The following WDR59 variants were observed in gnomAD, a reference collection of about 807,000 sequenced individuals.
WDR59 encodes the protein WD repeat domain 59, also known as GATOR2 complex protein WDR59.
A neutral mutation model predicts 131.2 loss-of-function variants in WDR59; 100 were observed. That is an observed-to-expected ratio of 0.76 (90% CI 0.65 to 0.90). WDR59 has a LOEUF of 0.90. Among genes scored for constraint, WDR59 ranks in the 40% least tolerant of loss-of-function variants. WDR59 has a pLI of 0.00. For missense variants in WDR59, 1,203 were observed against 1,262.2 expected (o/e 0.95, Z 0.71); for synonymous variants, 601 against 466.2 (o/e 1.29, Z -3.72).
intron 18 of WDR59, among the ~76,000 whole-genome samples, chr16:74,901,959 T>C (rs1965574968): frequency 6.6e-6 from 1 of 152,176 alleles, no homozygotes; most frequent in South Asian, 2.1e-4. Context: ...GACTGACTTA[T>C]TCATTTTTAT....
chr16:74,975,576 A>G (rs1158259431), intron 1 of WDR59, among the ~76,000 whole-genome samples: 5 of 151,678 alleles, frequency 3.3e-5, no homozygotes, highest in Non-Finnish European at 5.9e-5. Context: ...AGGCAGGAGA[A>G]TTGCTTGAAC....
At chr16:74,901,274 C>G (rs1965537589) in intron 18 of WDR59, among the ~76,000 whole-genome samples, 1 of 151,432 alleles carries the variant, frequency 6.6e-6, no homozygotes, top group South Asian at 2.1e-4. Context: ...AGCCCCCAAA[C>G]CAAAAACCCA....
intron 8 of WDR59, among the ~76,000 whole-genome samples, chr16:74,934,424 C>T (rs994110146): frequency 1.3e-5 from 2 of 151,954 alleles, no homozygotes; most frequent in Non-Finnish European, 2.9e-5. Context: ...TGATAATATC[C>T]TCACTGTTCA....
In WDR59 at chr16:74,937,197, G is replaced by A. The variant is rs144753122; in HGVS notation, c.651+953C>T. Among the ~76,000 whole-genome samples the A allele has an allele frequency of 5.9e-3, 898 of 152,274 alleles. 10 individuals carry two copies. The highest frequency in any genetic ancestry group is 0.02 in the African/African-American group (839 of 41,562). On this transcript the variant is annotated intron_variant, in intron 8 of 25. Transcript: ENST00000262144. ...AACATCCCATGTCACAGAGAGGAAA[G>A]ACAAACAAACAACACTGTACCTTGT...
intron 19 of WDR59, among the ~76,000 whole-genome samples, chr16:74,893,410 C>T (rs1383495149): frequency 2.2e-4 from 33 of 152,090 alleles, no homozygotes; most frequent in Admixed American, 2.2e-3. Flanking sequence ...CACTGCCTGG[C>T]CAACACCATT....
intron 9 of WDR59, 51 bp downstream of exon 9, chr16:74,923,875 T>A (rs887171622): frequency 6.5e-7 from 1 of 1,528,648 alleles, no homozygotes; most frequent in East Asian, 2.3e-5. Flanking sequence ...TCCTTCTTTT[T>A]GGAACACCCA....
intron 8 of WDR59, among the ~76,000 whole-genome samples, chr16:74,932,359 G>C (rs377082014): frequency 6.6e-6 from 1 of 151,744 alleles, no homozygotes; most frequent in Non-Finnish European, 1.5e-5. Flanking sequence ...CAAAGTGCCA[G>C]GATTACAGGC....
At chr16:74,931,924 G>A (rs947695441) in intron 8 of WDR59, among the ~76,000 whole-genome samples, 4 of 151,716 alleles carry the variant, frequency 2.6e-5, no homozygotes, top group South Asian at 2.1e-4. Flanking sequence ...AGGTAAATAT[G>A]TTTAATATTT....
At chr16:74,981,847 G>A (rs1235377268) in intron 1 of WDR59, among the ~76,000 whole-genome samples, 4 of 140,026 alleles carry the variant, frequency 2.9e-5, no homozygotes, top group Admixed American at 7.0e-5. Flanking sequence ...GTAGAGATAG[G>A]GTTTCACCAT....
intron 1 of WDR59, among the ~76,000 whole-genome samples, chr16:74,966,342 T>C (rs756269606): frequency 1.3e-5 from 2 of 152,012 alleles, no homozygotes; most frequent in Non-Finnish European, 2.9e-5. Context: ...TAGCCCGGTG[T>C]TGTGGTGGAC....
intron 8 of WDR59, among the ~76,000 whole-genome samples, chr16:74,929,098 G>A (rs866064012): frequency 2.6e-5 from 4 of 152,032 alleles, no homozygotes; most frequent in Non-Finnish European, 4.4e-5. Flanking sequence ...TTCTTGAGAC[G>A]GAGTCTCACT....
In WDR59 at chr16:74,893,723, A is replaced by G. The variant is rs1413846996; in HGVS notation, c.1956T>C (p.Ile652=). The change falls in exon 19 of 26, where the codon ATT becomes ATC. Residue 652 remains isoleucine, a synonymous_variant. Coordinates refer to ENST00000262144, the MANE Select transcript of WDR59 (RefSeq NM_030581.4). Reference sequence around the variant, plus strand: ...ATTTGTGAACAGGCAGGAGGCAAGCAATATCCTGGATGATGACTTTCCCAG... The same window carrying G: ...ATTTGTGAACAGGCAGGAGGCAAGCGATATCCTGGATGATGACTTTCCCAG... ...KAAGKVIIQD[I]ACLLPVHKSL... is the part of the protein sequence containing the mutation. 6.2e-7 allele frequency: 1 copy of G among 1,614,058 alleles called. No homozygotes were observed.
chr16:74,923,044 T>A (rs376080098), intron 9 of WDR59, among the ~76,000 whole-genome samples: 1 of 152,214 alleles, frequency 6.6e-6, no homozygotes, highest in African/African-American at 2.4e-5. Flanking sequence ...CTACCCACTC[T>A]ATTTGTAGCA....
At chr16:74,898,576 A>C (rs1284274856) in intron 18 of WDR59, among the ~76,000 whole-genome samples, 1 of 152,144 alleles carries the variant, frequency 6.6e-6, no homozygotes, top group Non-Finnish European at 1.5e-5. Flanking sequence ...GGCAGGAGGG[A>C]GGCATTGGTG....
intron 14 of WDR59, among the ~76,000 whole-genome samples, chr16:74,910,440 G>A (rs762067625): frequency 6.6e-6 from 1 of 152,124 alleles, no homozygotes; most frequent in Non-Finnish European, 1.5e-5. Context: ...CTTAATCAAG[G>A]CAGCACACGT....
intron 2 of WDR59, chr16:74,959,280 G>A: frequency 3.6e-6 from 1 of 277,326 alleles, no homozygotes; most frequent in East Asian, 1.3e-4. Flanking sequence ...AAAAACAAAA[G>A]CAAGCAAACA....
At chr16:74,961,598 G>C (rs1322896372) in intron 2 of WDR59, among the ~76,000 whole-genome samples, 3 of 152,122 alleles carry the variant, frequency 2.0e-5, no homozygotes, top group Non-Finnish European at 4.4e-5. Flanking sequence ...CTTCTTTTGA[G>C]AGGTGTCTGT....
intron 8 of WDR59, among the ~76,000 whole-genome samples, chr16:74,929,278 T>C (rs1300380778): frequency 1.3e-5 from 2 of 152,160 alleles, no homozygotes; most frequent in Non-Finnish European, 2.9e-5. Flanking sequence ...GGTTTCACTG[T>C]GTTAGCCAGG....
intron 11 of WDR59, among the ~76,000 whole-genome samples, chr16:74,917,273 A>C (rs1966435970): frequency 6.6e-6 from 1 of 152,216 alleles, no homozygotes; most frequent in African/African-American, 2.4e-5. Context: ...TAGATGTAGA[A>C]GCCTCCAAGC....
Sources: allele counts gnomAD v4.1 joint callset (sites outside exome capture counted in the v4.1 genomes callset), GRCh38; gene constraint gnomAD v4.1.1; transcripts MANE v1.5; gene names NCBI Gene and HGNC (gene_info 2026-07-23, HGNC 2026-07-21).